Variants in CACNA2D3 observed in about 807,000 individuals in gnomAD.
CACNA2D3 encodes voltage-dependent calcium channel subunit alpha-2/delta-3.
In CACNA2D3, 60 loss-of-function variants were observed where a neutral mutation model predicts 160.6. That is an observed-to-expected ratio of 0.37 (90% CI 0.30 to 0.46). The LOEUF is 0.46. CACNA2D3 is among the 20% of genes least tolerant of loss of function. CACNA2D3 has a pLI of 1.00. For missense variants in CACNA2D3, 1,205 were observed against 1,365.0 expected (o/e 0.88, Z 1.85); for synonymous variants, 558 against 492.9 (o/e 1.13, Z -1.75).
chr3:54,527,748 T>A (rs1317149713), intron 5 of CACNA2D3, among the ~76,000 whole-genome samples: 1 of 152,100 alleles, frequency 6.6e-6, no homozygotes, highest in Non-Finnish European at 1.5e-5. Flanking sequence ...ACTGTGAACT[T>A]TGGGGAGAGA....
At chr3:55,009,728 C>T (rs766901230) in intron 34 of CACNA2D3, among the ~76,000 whole-genome samples, 1 of 152,188 alleles carries the variant, frequency 6.6e-6, no homozygotes, top group African/African-American at 2.4e-5. Flanking sequence ...CTTCAGAAAG[C>T]TCATGGGCAA....
chr3:54,237,635 A>G lies in CACNA2D3; in HGVS notation c.205-82807A>G, dbSNP rs567181293. Among the ~76,000 whole-genome samples, 3 of 152,202 alleles carry G rather than the reference A, an allele frequency of 2.0e-5. No homozygotes were observed. The South Asian group carries it at 6.3e-4, about 32-fold the overall frequency. On this transcript the variant is annotated intron_variant, in intron 2 of 37. Coordinates refer to ENST00000474759, the MANE Select transcript of CACNA2D3 (RefSeq NM_018398.3). ...ACCAAGACTTCATTTAATGTGCTCAAGTTTTTAATTGCCTTTTTTCTGCCT... is the reference window on the plus strand; with the variant it reads ...ACCAAGACTTCATTTAATGTGCTCAGGTTTTTAATTGCCTTTTTTCTGCCT...
chr3:54,746,264 T>C (rs1701751974), intron 11 of CACNA2D3, among the ~76,000 whole-genome samples: 1 of 152,242 alleles, frequency 6.6e-6, no homozygotes, highest in Admixed American at 6.5e-5. Context: ...TCAGAAATGC[T>C]TCTCTGTACC....
chr3:54,431,292 G>A (rs189304925), intron 4 of CACNA2D3, among the ~76,000 whole-genome samples: 2 of 150,658 alleles, frequency 1.3e-5, no homozygotes, highest in Admixed American at 1.3e-4. Flanking sequence ...AGCTGAGATT[G>A]TGTACAGCCT....
intron 11 of CACNA2D3, among the ~76,000 whole-genome samples, chr3:54,703,443 T>A (rs972009717): frequency 3.3e-5 from 5 of 152,160 alleles, no homozygotes; most frequent in East Asian, 1.9e-4. Context: ...TACATTTTTT[T>A]AAGGATAACT....
At chr3:54,928,383 T>C (rs1049474481) in intron 27 of CACNA2D3, among the ~76,000 whole-genome samples, 3 of 152,172 alleles carry the variant, frequency 2.0e-5, no homozygotes, top group Admixed American at 1.3e-4. Flanking sequence ...TGTTGACTTA[T>C]TAACCATGCC....
At chr3:54,523,439 G>A (rs904143929) in intron 5 of CACNA2D3, among the ~76,000 whole-genome samples, 1 of 152,092 alleles carries the variant, frequency 6.6e-6, no homozygotes, top group South Asian at 2.1e-4. Context: ...GCTGGATTTG[G>A]TTTGTTAGTA....
chr3:54,142,313 A>T (rs967407640), intron 2 of CACNA2D3, among the ~76,000 whole-genome samples: 2 of 152,130 alleles, frequency 1.3e-5, no homozygotes, highest in East Asian at 3.9e-4. Flanking sequence ...CAGCTTGTTA[A>T]ATTCTCAGTC....
intron 14 of CACNA2D3, 78 bp downstream of exon 14, chr3:54,816,948 A>G (rs764162908): frequency 7.6e-5 from 115 of 1,517,092 alleles, no homozygotes; most frequent in Admixed American, 3.1e-4. Context: ...TGTACATTTG[A>G]CACTGTTCAT....
intron 2 of CACNA2D3, among the ~76,000 whole-genome samples, chr3:54,288,170 C>T (rs935876534): frequency 2.0e-5 from 3 of 151,732 alleles, no homozygotes; most frequent in South Asian, 2.1e-4. Flanking sequence ...ATTGATAGAC[C>T]GCTAGCAAGA....
chr3:54,627,628 A>G (rs995816219), intron 9 of CACNA2D3, among the ~76,000 whole-genome samples, 159 bp from the exon 10 acceptor site: 1 of 151,586 alleles, frequency 6.6e-6, no homozygotes, highest in Non-Finnish European at 1.5e-5. Flanking sequence ...TTTTACATTG[A>G]GTAAGTTCTT....
rs1195799910 is a variant in CACNA2D3 at position 54,985,189 on chromosome 3, G to A, written c.2619+519G>A. 6.2e-4 allele frequency among the ~76,000 whole-genome samples: 95 copies of A among 152,144 alleles called. 2 individuals are homozygous for A. Among genetic ancestry groups the A allele is most frequent in the Admixed American group, 6.2e-3 (95 of 15,274 alleles). Reference sequence around the variant, plus strand: ...TGGGCTCTCAACACCGAGGGACAAGGGTCCAGAGATAGAAGAGGAATATTC... The same window carrying A: ...TGGGCTCTCAACACCGAGGGACAAGAGTCCAGAGATAGAAGAGGAATATTC... On this transcript the variant is annotated intron_variant, in intron 30 of 37. Transcript: ENST00000474759.
chr3:54,607,611 T>TTGA (rs1303698218), intron 9 of CACNA2D3, among the ~76,000 whole-genome samples: 1 of 152,196 alleles, frequency 6.6e-6, no homozygotes, highest in African/African-American at 2.4e-5. Flanking sequence ...TCATAGGTTG[T>TTGA]TGATAGGAAC....
chr3:54,735,188 T>C (rs76988477), intron 11 of CACNA2D3, among the ~76,000 whole-genome samples: 6,247 of 152,290 alleles, frequency 0.041, 162 homozygotes, highest in Middle Eastern at 0.065. Flanking sequence ...CAGTCTTCTG[T>C]AGTCACAGAA....
chr3:54,809,074 C>T lies in CACNA2D3; in HGVS notation c.1381-7779C>T, dbSNP rs1020719074. 2.0e-5 allele frequency among the ~76,000 whole-genome samples: 3 copies of T among 152,190 alleles called. No individual in the cohort carries two copies. The East Asian group carries it at 5.8e-4, about 29-fold the overall frequency. ...TTTTACGGATGAGACCTCTAGAGTT[C>T]AGAGACGCTATATTGTTGTCCAGGT... On this transcript the variant is annotated intron_variant, in intron 13 of 37. Transcript: ENST00000474759.
chr3:54,262,990 C>T (rs765097557), intron 2 of CACNA2D3, among the ~76,000 whole-genome samples: 1 of 152,118 alleles, frequency 6.6e-6, no homozygotes, highest in Non-Finnish European at 1.5e-5. Context: ...TCCCCTCCAC[C>T]CCAGGTAGTC....
At chr3:54,336,004 CAAAAAAAAA>C (rs60465412) in intron 3 of CACNA2D3, among the ~76,000 whole-genome samples, 1 of 74,548 alleles carries the variant, frequency 1.3e-5, no homozygotes, top group Non-Finnish European at 2.4e-5. Flanking sequence ...GACTCCGTCT[CAAAAAAAAA>C]AAAAAAAAAA....
chr3:54,660,455 C>T lies in CACNA2D3; in HGVS notation c.1167+18214C>T, dbSNP rs553697845. On this transcript the variant is annotated intron_variant, in intron 11 of 37. Coordinates refer to ENST00000474759, the MANE Select transcript of CACNA2D3 (RefSeq NM_018398.3). ...GATTACAGGCGTGAGCCACCGCACCCGGCTGCTTTCTAAGCTAACTTTATT... is the reference window on the plus strand; with the variant it reads ...GATTACAGGCGTGAGCCACCGCACCTGGCTGCTTTCTAAGCTAACTTTATT... 2.8e-4 allele frequency among the ~76,000 whole-genome samples: 43 copies of T among 152,270 alleles called. 1 individual carries two copies. In the South Asian group the frequency reaches 8.5e-3, roughly 30 times the overall value.
chr3:54,562,139 C>T (rs1702335962), intron 5 of CACNA2D3, among the ~76,000 whole-genome samples: 2 of 152,152 alleles, frequency 1.3e-5, no homozygotes, highest in Non-Finnish European at 2.9e-5. Flanking sequence ...ATAGCCAAAT[C>T]ATACCACCAT....
Sources: gnomAD v4.1 joint callset for allele counts (sites outside exome capture counted in the v4.1 genomes callset) on GRCh38, gnomAD v4.1.1 for gene constraint, MANE v1.5 for transcripts, NCBI Gene and HGNC (gene_info 2026-07-23, HGNC 2026-07-21) for gene names.